PDE1A: variants seen among roughly 807,000 people sequenced by gnomAD.
PDE1A encodes phosphodiesterase 1A, also known as dual specificity calcium/calmodulin-dependent 3',5'-cyclic nucleotide phosphodiesterase 1A.
Under a neutral mutation model 61.7 loss-of-function variants are expected in PDE1A, and 35 were observed. That is an observed-to-expected ratio of 0.57 (90% confidence interval 0.43 to 0.75). The LOEUF (loss-of-function observed/expected upper bound fraction) is 0.75, where lower values mean the gene tolerates loss of function less well. Ranked by LOEUF, PDE1A falls within the 30% of genes least tolerant of loss-of-function variation. PDE1A has a pLI of 0.00. For synonymous variants in PDE1A, 232 were observed against 213.2 expected (o/e 1.09, Z -0.77); for missense variants, 597 against 630.6 (o/e 0.95, Z 0.57).
intron 1 of PDE1A, among the ~76,000 whole-genome samples, chr2:182,308,094 T>C (rs1695715463): frequency 6.6e-6 from 1 of 152,232 alleles, no homozygotes; most frequent in South Asian, 2.1e-4. Context: ...ACTGGAGAAA[T>C]TACTCTTTTT....
At chr2:182,381,596 G>A (rs553854470) in intron 1 of PDE1A, among the ~76,000 whole-genome samples, 20 of 152,230 alleles carry the variant, frequency 1.3e-4, no homozygotes, top group South Asian at 4.2e-4. Flanking sequence ...AGCAGATCAC[G>A]AGATCAGGAG....
At chr2:182,571,708 T>C in the PDE1A span, among the ~76,000 whole-genome samples, 4 of 151,986 alleles carry the variant, frequency 2.6e-5, no homozygotes, top group Non-Finnish European at 4.4e-5. Flanking sequence ...TCATAGAAAA[T>C]GTTTTAAATG....
Position 182,499,949 on chromosome 2 carries a change from C to T in PDE1A, c.101+22327G>A, listed in dbSNP as rs553104179. On this transcript the variant is annotated intron_variant, in intron 2 of 14. Transcript: ENST00000410103. ...GGGATGGCTGTGTCTCCAGCTTTAG[C>T]GAGTCCCAGTTGGAGCTGGGGGACA... is the stretch of plus-strand genomic sequence containing the variant. Among the ~76,000 whole-genome samples the T allele has an allele frequency of 2.8e-4, 42 of 152,202 alleles. 3 individuals are homozygous for T. The South Asian group carries it at 8.5e-3, about 31-fold the overall frequency.
intron 1 of PDE1A, among the ~76,000 whole-genome samples, chr2:182,381,579 G>A (rs1477051237): frequency 3.9e-5 from 6 of 152,044 alleles, no homozygotes; most frequent in East Asian, 3.9e-4. Flanking sequence ...TTTGGGAGGC[G>A]GAGGCGAGCA....
the PDE1A span, among the ~76,000 whole-genome samples, chr2:182,686,294 T>C: frequency 6.6e-6 from 1 of 152,360 alleles, no homozygotes; most frequent in East Asian, 1.9e-4. Context: ...GGTTAAACTA[T>C]CTTTCAACCT....
rs148460297 is a variant in PDE1A, at chr2:182,248,324, T to C, written c.168-8032A>G. Among the ~76,000 whole-genome samples, 15 of 151,936 alleles carry C rather than the reference T, an allele frequency of 9.9e-5. No homozygotes were observed. In the East Asian group the frequency reaches 2.7e-3, roughly 27 times the overall value. On this transcript the variant is annotated intron_variant, in intron 2 of 13. Transcript: ENST00000351439. ...AGAAAAAGAAACGATAAGGAATATA[T>C]GTGTAAAATGTTACCACTGTTTACC...
At chr2:182,502,598 T>C (rs1689150131) in intron 2 of PDE1A, among the ~76,000 whole-genome samples, 1 of 152,184 alleles carries the variant, frequency 6.6e-6, no homozygotes, top group African/African-American at 2.4e-5. Context: ...GAGCATCTAA[T>C]GGGCATCCCA....
chr2:182,398,324 C>T (rs1378165496), intron 1 of PDE1A, among the ~76,000 whole-genome samples: 3 of 151,820 alleles, frequency 2.0e-5, no homozygotes, highest in Non-Finnish European at 4.4e-5. Context: ...CTACTGATCT[C>T]TTATGCCACT....
At chr2:182,422,278 C>T (rs1184512313) in intron 1 of PDE1A, among the ~76,000 whole-genome samples, 1 of 152,142 alleles carries the variant, frequency 6.6e-6, no homozygotes, top group Non-Finnish European at 1.5e-5. Flanking sequence ...TTGTCAGTTC[C>T]AAAGAACACT....
At chr2:182,525,083 G>A (rs1690757275), upstream of PDE1A, among the ~76,000 whole-genome samples, 1 of 152,060 alleles carries the variant, frequency 6.6e-6, no homozygotes, top group South Asian at 2.1e-4. Flanking sequence ...ATTTTTGTCT[G>A]TTTCTTCATG....
rs531342236 is a variant in PDE1A, at chr2:182,419,259, T to G, written c.53+7319A>C. Reference sequence around the variant, plus strand: ...TTATATACTTCATCTATTCTTTTAATGCTACAAAATTATATACAAGTTATC... The same window carrying G: ...TTATATACTTCATCTATTCTTTTAAGGCTACAAAATTATATACAAGTTATC... On this transcript the variant is annotated intron_variant, in intron 1 of 13. Coordinates refer to ENST00000351439, the Ensembl canonical transcript of PDE1A. 1.9e-4 allele frequency among the ~76,000 whole-genome samples: 29 copies of G among 152,298 alleles called. 1 individual carries two copies. In the South Asian group the frequency reaches 6.0e-3, roughly 32 times the overall value.
intron 13 of PDE1A, among the ~76,000 whole-genome samples, chr2:182,161,669 G>A (rs1415644859): frequency 6.6e-6 from 1 of 152,120 alleles, no homozygotes; most frequent in Non-Finnish European, 1.5e-5. Flanking sequence ...CCAGAGGGGA[G>A]GTTCAGAGTG....
At chr2:182,267,121 A>G (rs1692687131) in intron 1 of PDE1A, among the ~76,000 whole-genome samples, 1 of 152,080 alleles carries the variant, frequency 6.6e-6, no homozygotes, top group Admixed American at 6.6e-5. Context: ...TTCCTAACTC[A>G]CAACAGCCTG....
the PDE1A span, among the ~76,000 whole-genome samples, chr2:182,715,289 G>A: frequency 6.6e-6 from 1 of 152,286 alleles, no homozygotes; most frequent in African/African-American, 2.4e-5. Flanking sequence ...GACTAAATGA[G>A]TTACTACATG....
At chr2:182,177,693 A>T (rs551899328) in intron 13 of PDE1A, among the ~76,000 whole-genome samples, 3 of 152,052 alleles carry the variant, frequency 2.0e-5, no homozygotes, top group South Asian at 2.1e-4. Context: ...GTCATGTAGC[A>T]TGATGCCTCC....
the PDE1A span, among the ~76,000 whole-genome samples, chr2:182,552,699 A>T: frequency 6.6e-6 from 1 of 152,144 alleles, no homozygotes; most frequent in Non-Finnish European, 1.5e-5. Flanking sequence ...AGAAATAGCC[A>T]ATCATCTATT....
intron 1 of PDE1A, among the ~76,000 whole-genome samples, chr2:182,409,323 G>C (rs1298496765): frequency 6.6e-6 from 1 of 152,072 alleles, no homozygotes; most frequent in Non-Finnish European, 1.5e-5. Flanking sequence ...TCAAATATTG[G>C]ATACAAACTT....
intron 2 of PDE1A, chr2:182,463,765 G>T (rs993467026): frequency 3.3e-5 from 5 of 152,088 alleles, no homozygotes; most frequent in African/African-American, 1.2e-4. Context: ...TCCCTGTAAG[G>T]TTAAAATAAT....
intron 1 of PDE1A, among the ~76,000 whole-genome samples, chr2:182,308,945 C>G (rs753969993): frequency 6.6e-6 from 1 of 151,188 alleles, no homozygotes; most frequent in South Asian, 2.1e-4. Context: ...CTTATCTTAC[C>G]TATGTCCTTA....
Sources: allele counts gnomAD v4.1 joint callset (sites outside exome capture counted in the v4.1 genomes callset), GRCh38; gene constraint gnomAD v4.1.1; transcripts MANE v1.5; gene names NCBI Gene and HGNC (gene_info 2026-07-23, HGNC 2026-07-21).